Variants in MTMR7 observed in about 807,000 individuals in gnomAD.
The protein encoded by MTMR7 is myotubularin related protein 7.
In MTMR7, 76 loss-of-function variants were observed where a neutral mutation model predicts 81.2. The ratio of observed to expected loss-of-function variants is 0.94; its 90% confidence interval spans 0.78 to 1.13. MTMR7 has a LOEUF of 1.13. Among genes scored for constraint, MTMR7 ranks in the 50% most tolerant of loss-of-function variants. The pLI is 0.00. For synonymous variants in MTMR7, 372 were observed against 289.8 expected, an observed-to-expected ratio of 1.28 and a Z score of -2.88; for missense variants, 1,044 against 820.0, an observed-to-expected ratio of 1.27 and a Z score of -3.34.
At position 17,299,900 on chromosome 8, in the gene MTMR7, C is replaced by G. The variant is rs1816994959; in HGVS notation, c.1945G>C (p.Asp649His). The change falls in exon 14 of 14, where the codon GAC (aspartate) becomes CAC (histidine). Residue 649 changes from aspartate to histidine, a missense_variant. Physicochemically the swap from Asp to His is moderately conservative, Grantham distance 81. Transcript: ENST00000180173. ...AACACGGCTTCATCAGAATCCCGGTCCTTGCCACTATCTTCACTCGGTGCA... is the reference window on the plus strand; with the variant it reads ...AACACGGCTTCATCAGAATCCCGGTGCTTGCCACTATCTTCACTCGGTGCA... The part of the protein sequence containing the change: ...EHAPSEDSGK[D>H]RDSDEAVFLT... The G allele has an allele frequency of 1.2e-6, 2 of 1,614,002 alleles. No individual in the cohort carries two copies. Among genetic ancestry groups the G allele is most frequent in the East Asian group, 2.2e-5 (1 of 44,884 alleles).
chr8:17,364,907 T>C (rs1226797561), intron 3 of MTMR7, among the ~76,000 whole-genome samples: 1 of 152,238 alleles, frequency 6.6e-6, no homozygotes, highest in Non-Finnish European at 1.5e-5. Context: ...AACTTACCGA[T>C]TTCAATCTTT....
intron 3 of MTMR7, among the ~76,000 whole-genome samples, chr8:17,368,563 C>T (rs1315559891): frequency 6.6e-6 from 1 of 152,170 alleles, no homozygotes; most frequent in Non-Finnish European, 1.5e-5. Flanking sequence ...ACCACCCCAT[C>T]CCCCAGTTGA....
Position 17,330,932 on chromosome 8 carries a change from G to A in MTMR7, c.865+218C>T, listed in dbSNP as rs114951049. 3.2e-3 allele frequency among the ~76,000 whole-genome samples: 484 copies of A among 152,280 alleles called. 2 individuals are homozygous for A. Among genetic ancestry groups the A allele is most frequent in the African/African-American group, 0.011 (465 of 41,548 alleles). On this transcript the variant is annotated intron_variant, in intron 7 of 13. Coordinates refer to ENST00000180173, the MANE Select transcript of MTMR7 (RefSeq NM_004686.5). ...CTTAGATGTTCAGTACCATTGTAGA[G>A]TCCCTGACTGCTAACCACCAAGCGA...
chr8:17,397,089 T>A (rs1029933482), intron 1 of MTMR7, among the ~76,000 whole-genome samples: 1 of 151,832 alleles, frequency 6.6e-6, no homozygotes, highest in East Asian at 2.0e-4. Flanking sequence ...TAGTACACAG[T>A]GGGCCTTGGG....
chr8:17,382,872 A>G (rs538136540), intron 1 of MTMR7, among the ~76,000 whole-genome samples: 4 of 152,332 alleles, frequency 2.6e-5, no homozygotes, highest in African/African-American at 7.2e-5. Flanking sequence ...AAAATACACA[A>G]CAGTTAATGT....
rs760625970 is a variant in MTMR7, at chr8:17,331,252, T to G, written c.763A>C (p.Lys255Gln). Reference protein sequence around the residue: ...LNAMANRAAGKGYENEDNYSN... With the variant: ...LNAMANRAAGQGYENEDNYSN... ...TAATTGTCTTCATTCTCATAGCCTT[T>G]CCCTGCAGCACGATTTGCCATTGCA... The change falls in exon 7 of 14, where the codon AAA (lysine) becomes CAA (glutamine). Residue 255 changes from lysine (K) to glutamine (Q), a missense_variant. By Grantham distance (53) the Lys-to-Gln change is moderately conservative. Transcript: ENST00000180173. The G allele has an allele frequency of 1.2e-6, 2 of 1,610,798 alleles. No individual in the cohort carries two copies. The highest frequency in any genetic ancestry group is 2.2e-5 in the South Asian group (2 of 90,340).
chr8:17,306,336 G>A (rs1353849225), intron 10 of MTMR7, among the ~76,000 whole-genome samples: 1 of 151,722 alleles, frequency 6.6e-6, no homozygotes, highest in East Asian at 1.9e-4. Flanking sequence ...CAACTTTAAG[G>A]CTCTTCATTT....
At position 17,305,905 on chromosome 8, in the gene MTMR7, A is replaced by G; in HGVS notation, c.1204T>C (p.Phe402Leu). Residue 402 changes from phenylalanine (F) to leucine (L), a missense_variant, in exon 11 of 14, where the codon TTC becomes CTC. Coordinates refer to ENST00000180173, the MANE Select transcript of MTMR7 (RefSeq NM_004686.5). ...ATTAACTGCCAAACACACTCAATGA[A>G]CTGGTCAATAACTGGAGAGATTTCT... ...PKEISPVIDQ[F>L]IECVWQLMEQ... is the part of the protein sequence containing the mutation. 2 of 1,613,834 alleles carry G rather than the reference A, an allele frequency of 1.2e-6. No individual in the cohort carries two copies. Among genetic ancestry groups the G allele is most frequent in the Non-Finnish European group, 1.7e-6 (2 of 1,179,788 alleles).
chr8:17,323,081 G>A (rs1265788195), intron 7 of MTMR7, among the ~76,000 whole-genome samples: 1 of 151,150 alleles, frequency 6.6e-6, no homozygotes, highest in Non-Finnish European at 1.5e-5. Flanking sequence ...CTGAGTAGCT[G>A]GGACTACAGG....
chr8:17,400,228 G>C (rs960812689), intron 1 of MTMR7, among the ~76,000 whole-genome samples: 1 of 152,142 alleles, frequency 6.6e-6, no homozygotes, highest in Non-Finnish European at 1.5e-5. Context: ...TAACACTATA[G>C]CTACTGTGCT....
chr8:17,349,961 A>G (rs1819679927), intron 4 of MTMR7, among the ~76,000 whole-genome samples: 1 of 152,168 alleles, frequency 6.6e-6, no homozygotes, highest in Non-Finnish European at 1.5e-5. Flanking sequence ...CTGCAGCAAC[A>G]ATATCTCATG....
At position 17,300,195 on chromosome 8, in the gene MTMR7, T is replaced by C. The variant is rs1817024249; in HGVS notation, c.1650A>G (p.Leu550=). 1 of 1,606,232 alleles carries C rather than the reference T, an allele frequency of 6.2e-7. No individual in the cohort carries two copies. The highest frequency in any genetic ancestry group is 1.3e-5 in the African/African-American group (1 of 74,598). Residue 550 remains leucine (L), a synonymous_variant, in exon 14 of 14, where the codon TTA becomes TTG. Transcript: ENST00000180173. Reference sequence around the variant, plus strand: ...GCTTACTCTTCACCTTAGTGCAATTTAACTGGACCTTTTGAATTTTTTCCA... The same window carrying C: ...GCTTACTCTTCACCTTAGTGCAATTCAACTGGACCTTTTGAATTTTTTCCA... ...ERLEKIQKVQ[L]NCTKVKSKQS... is the part of the protein sequence containing the mutation.
At chr8:17,390,738 C>T (rs1585116549) in intron 1 of MTMR7, among the ~76,000 whole-genome samples, 4 of 152,266 alleles carry the variant, frequency 2.6e-5, no homozygotes. Flanking sequence ...CATCGTTCTT[C>T]ACAAGGGAGC....
intron 10 of MTMR7, among the ~76,000 whole-genome samples, chr8:17,308,129 T>A (rs757309088): frequency 7.2e-5 from 11 of 152,208 alleles, no homozygotes; most frequent in Middle Eastern, 3.4e-3. Context: ...GGAATTTTAG[T>A]CTTTTATGGC....
chr8:17,301,745 C>A (rs569226579), intron 13 of MTMR7: 30 of 190,494 alleles, frequency 1.6e-4, no homozygotes, highest in African/African-American at 7.0e-4. Context: ...AGTCAGTCTC[C>A]CCTTTACCAA....
chr8:17,367,833 C>T (rs1820277454), intron 3 of MTMR7, among the ~76,000 whole-genome samples: 1 of 151,960 alleles, frequency 6.6e-6, no homozygotes, highest in Non-Finnish European at 1.5e-5. Context: ...CTTCCCTTCC[C>T]CACCCTTCGC....
intron 12 of MTMR7, 86 bp from the exon 13 acceptor site, chr8:17,302,366 CCACAGT>C: frequency 8.4e-6 from 12 of 1,420,812 alleles, no homozygotes; most frequent in South Asian, 1.4e-5. Context: ...ATCTATGATA[CCACAGT>C]CTTAATAATA....
chr8:17,308,029 G>T (rs536028697), intron 10 of MTMR7, among the ~76,000 whole-genome samples: 1 of 147,408 alleles, frequency 6.8e-6, no homozygotes, highest in African/African-American at 2.6e-5. Context: ...CTAAAACAAA[G>T]TATAATAATA....
intron 4 of MTMR7, among the ~76,000 whole-genome samples, chr8:17,351,540 T>C (rs1292159102): frequency 2.6e-5 from 4 of 152,210 alleles, no homozygotes; most frequent in Non-Finnish European, 4.4e-5. Context: ...AGTAGAGGTA[T>C]GTAGATTTTG....
Sources: gnomAD v4.1 joint callset for allele counts (sites outside exome capture counted in the v4.1 genomes callset) on GRCh38, gnomAD v4.1.1 for gene constraint, MANE v1.5 for transcripts, NCBI Gene and HGNC (gene_info 2026-07-23, HGNC 2026-07-21) for gene names.